The following DIP2C variants were observed in gnomAD, a reference collection of about 807,000 sequenced individuals.
The protein encoded by DIP2C is DIP2 acetate--CoA ligase C (putative), also known as disco-interacting protein 2 homolog C.
Under a neutral mutation model 192.4 loss-of-function variants are expected in DIP2C, and 33 were observed. The ratio of observed to expected loss-of-function variants is 0.17; its 90% CI spans 0.13 to 0.23. The LOEUF (loss-of-function observed/expected upper bound fraction) is 0.23. DIP2C is among the 10% of genes least tolerant of loss of function. The pLI, the probability that DIP2C is intolerant of heterozygous loss-of-function variation, is 1.00. For synonymous variants in DIP2C, 979 were observed against 864.1 expected (o/e 1.13, Z -2.33); for missense variants, 1,537 against 2,110.1 (o/e 0.73, Z 5.32).
chr10:408,320 A>AC (rs1489048044), intron 9 of DIP2C, among the ~76,000 whole-genome samples: 1 of 152,034 alleles, frequency 6.6e-6, no homozygotes, highest in Non-Finnish European at 1.5e-5. Flanking sequence ...CTAAGCCAGT[A>AC]CCACATTGTT....
chr10:337,538 AGAGGCCTAGGAAGCTGTGTGTGTGCTGTG>A (rs1957897554), intron 29 of DIP2C, among the ~76,000 whole-genome samples: 1 of 120,852 alleles, frequency 8.3e-6, no homozygotes, highest in South Asian at 2.9e-4. Flanking sequence ...TGTGTGTTGT[AGAGGCCTAGGAAGCTGTGTGTGTGCTGTG>A]GAGGCCTAGG....
chr10:634,349 C>G (rs993588586), intron 1 of DIP2C, among the ~76,000 whole-genome samples: 1 of 152,200 alleles, frequency 6.6e-6, no homozygotes, highest in Non-Finnish European at 1.5e-5. Flanking sequence ...AAGGCAGCTA[C>G]ACTAAACTAC....
Position 651,453 on chromosome 10 carries a change from G to A in DIP2C, c.85+38041C>T. The A allele has an allele frequency of 1.5e-6, 1 of 672,560 alleles. No individual in the cohort carries two copies. Among genetic ancestry groups the A allele is most frequent in the Non-Finnish European group, 2.7e-6 (1 of 365,866 alleles). The allele number at this position is 672,560 out of a possible 1,614,324, so 41.7% of individuals were successfully genotyped here. ...GTTAAGTCGTTAAGTAAAAATAGCAGAAGACTTAGTAGAATGTATGAGTAA... is the reference window on the plus strand; with the variant it reads ...GTTAAGTCGTTAAGTAAAAATAGCAAAAGACTTAGTAGAATGTATGAGTAA... On this transcript the variant is annotated intron_variant, in intron 1 of 36. Transcript: ENST00000280886. This position sits in a 1 kb window ranked among gnomAD's most constrained non-coding sequence, Gnocchi z 4.1.
In DIP2C at chr10:390,101, G is replaced by A. The variant is rs1963337651; in HGVS notation, c.1495-8C>T. ...ATCCTTACACGTCTTGTACTGAAACGAGACAAAGCGTGAGGGAAGTGGGGC... is the reference window on the plus strand; with the variant it reads ...ATCCTTACACGTCTTGTACTGAAACAAGACAAAGCGTGAGGGAAGTGGGGC... On this transcript the variant is annotated splice_region_variant and splice_polypyrimidine_tract_variant and intron_variant, in intron 12 of 36. Transcript: ENST00000280886. 2.5e-6 allele frequency: 4 copies of A among 1,612,154 alleles called. No individual in the cohort carries two copies. The highest frequency in any genetic ancestry group is 1.3e-5 in the African/African-American group (1 of 74,972).
At chr10:658,332 A>ACTGGACCTGCCC (rs771815620) in intron 1 of DIP2C, among the ~76,000 whole-genome samples, 53 of 59,196 alleles carry the variant, frequency 9.0e-4, no homozygotes, top group Admixed American at 1.3e-3. Flanking sequence ...TGGACCTGAC[A>ACTGGACCTGCCC]CTGGACCTGC....
chr10:425,686 C>T (rs1048582968), intron 4 of DIP2C, among the ~76,000 whole-genome samples: 6 of 152,102 alleles, frequency 3.9e-5, no homozygotes, highest in African/African-American at 7.2e-5. Flanking sequence ...GCATGACCAG[C>T]GGTGACTAGA....
intron 1 of DIP2C, among the ~76,000 whole-genome samples, chr10:496,585 T>G (rs1322892469): frequency 6.7e-6 from 1 of 150,304 alleles, no homozygotes; most frequent in African/African-American, 2.5e-5. Context: ...TGCCCTCCTG[T>G]GTACTTAAAA....
intron 1 of DIP2C, among the ~76,000 whole-genome samples, chr10:558,777 T>C (rs1442018929): frequency 4.6e-5 from 7 of 152,280 alleles, no homozygotes; most frequent in East Asian, 1.9e-4. Context: ...CTGGTAAATA[T>C]TGATTATTTT....
chr10:391,001 C>G (rs1360136791), intron 10 of DIP2C, 138 bp from the exon 11 acceptor site: 3 of 1,266,970 alleles, frequency 2.4e-6, no homozygotes, highest in African/African-American at 3.0e-5. Context: ...TGCTTGGTAT[C>G]TGTGGGACCC....
chr10:329,396 G>A (rs1480554538), intron 30 of DIP2C, 37 bp downstream of exon 30: 1 of 1,584,254 alleles, frequency 6.3e-7, no homozygotes, highest in Admixed American at 1.8e-5. Flanking sequence ...GTCCCTGTGG[G>A]CTCACAGGGC....
chr10:561,439 AG>A (rs981030555), intron 1 of DIP2C, among the ~76,000 whole-genome samples: 42 of 152,312 alleles, frequency 2.8e-4, no homozygotes, highest in African/African-American at 9.1e-4. Flanking sequence ...CTGCACCTCC[AG>A]GGCCTCTCAT....
chr10:500,834 C>T (rs186004378), intron 1 of DIP2C, among the ~76,000 whole-genome samples: 209 of 152,304 alleles, frequency 1.4e-3, no homozygotes, highest in South Asian at 2.3e-3. Context: ...ATGTCTCCCC[C>T]CATAGGTTTC....
chr10:354,664 C>T (rs949603110), intron 24 of DIP2C, among the ~76,000 whole-genome samples: 1 of 152,124 alleles, frequency 6.6e-6, no homozygotes. Context: ...TGAGAGCTGA[C>T]TCTGCCCCTG....
chr10:519,069 T>G (rs1298016202), intron 1 of DIP2C, among the ~76,000 whole-genome samples: 3 of 152,218 alleles, frequency 2.0e-5, no homozygotes, highest in Non-Finnish European at 4.4e-5. Flanking sequence ...TCCTTCAACA[T>G]CCAACCCCCA....
intron 3 of DIP2C, among the ~76,000 whole-genome samples, chr10:442,000 C>T (rs1216569303): frequency 6.6e-6 from 1 of 152,108 alleles, no homozygotes; most frequent in Non-Finnish European, 1.5e-5. Context: ...AACTGTGAAG[C>T]CAGGGAAGAA....
At chr10:361,643 C>G (rs867549205) in intron 22 of DIP2C, among the ~76,000 whole-genome samples, 1 of 152,138 alleles carries the variant, frequency 6.6e-6, no homozygotes, top group Admixed American at 6.5e-5. Flanking sequence ...CAGGTCACTT[C>G]GGAGTTTACA....
intron 1 of DIP2C, among the ~76,000 whole-genome samples, chr10:488,399 A>G (rs1037523432): frequency 1.3e-5 from 2 of 152,172 alleles, no homozygotes; most frequent in South Asian, 4.1e-4. Context: ...TAATCCTTAT[A>G]AGAACTTATT....
intron 1 of DIP2C, chr10:665,123 A>T (rs1201546694): frequency 6.6e-6 from 1 of 152,234 alleles, no homozygotes; most frequent in Admixed American, 6.5e-5. Flanking sequence ...AGCTTTAAAG[A>T]TTTAAATTTC....
At chr10:295,178 A>G (rs1207986376) in intron 32 of DIP2C, among the ~76,000 whole-genome samples, 1 of 152,208 alleles carries the variant, frequency 6.6e-6, no homozygotes, top group Non-Finnish European at 1.5e-5. Context: ...CAGGCAGAGC[A>G]GCAGCAAGGA....
Sources: allele counts gnomAD v4.1 joint callset (sites outside exome capture counted in the v4.1 genomes callset), GRCh38; gene constraint gnomAD v4.1.1; non-coding constraint Gnocchi (gnomAD v3.1); transcripts MANE v1.5; gene names NCBI Gene and HGNC (gene_info 2026-07-23, HGNC 2026-07-21).